The following XRN2 variants were observed in gnomAD, a reference collection of about 807,000 sequenced individuals.
The protein encoded by XRN2 is DHM1-like protein.
In XRN2, 44 loss-of-function variants were observed where a neutral mutation model predicts 138.5. The observed-to-expected ratio is 0.32, with a 90% CI of 0.25 to 0.41. The LOEUF (loss-of-function observed/expected upper bound fraction) is 0.41, where lower values mean the gene tolerates loss of function less well. XRN2 is among the 10% of genes least tolerant of loss of function. The pLI, the probability that XRN2 is intolerant of heterozygous loss-of-function variation, is 1.00. For missense variants in XRN2, 937 were observed against 1,169.3 expected, an observed-to-expected ratio of 0.80 and a Z score of 2.90; for synonymous variants, 354 against 369.4, an observed-to-expected ratio of 0.96 and a Z score of 0.48.
chr20:21,351,818 C>A (rs942522889), intron 20 of XRN2, among the ~76,000 whole-genome samples: 2 of 151,978 alleles, frequency 1.3e-5, no homozygotes, highest in African/African-American at 4.8e-5. Flanking sequence ...TCAAATTTTC[C>A]CGGCACCACT....
chr20:21,321,732 C>G (rs1275520636), intron 1 of XRN2, among the ~76,000 whole-genome samples: 1 of 152,114 alleles, frequency 6.6e-6, no homozygotes, highest in Non-Finnish European at 1.5e-5. Context: ...GATTTGCTTG[C>G]TGTTTGCCCT....
rs992795874 is a variant in XRN2, at chr20:21,356,636, T to C, written c.2169T>C (p.Ser723=). The change falls in exon 23 of 30, where the codon TCT becomes TCC. Residue 723 remains serine (S), a synonymous_variant. Coordinates refer to ENST00000377191, the MANE Select transcript of XRN2 (RefSeq NM_012255.5). ...GTCATGGGATTCAAGGAAAGTTTTC[T>C]TTGGATGAAGAAGCCATTCTTCCAG... ...ELCHGIQGKF[S]LDEEAILPDQ... is the part of the protein sequence containing the mutation. The C allele has an allele frequency of 1.9e-6, 3 of 1,613,620 alleles. No individual in the cohort carries two copies. Among genetic ancestry groups the C allele is most frequent in the East Asian group, 4.5e-5 (2 of 44,868 alleles).
In XRN2 at chr20:21,308,006, G is replaced by A. The variant is rs991622521; in HGVS notation, c.75+4533G>A. Among the ~76,000 whole-genome samples the A allele has an allele frequency of 1.7e-4, 13 of 74,488 alleles. 5 individuals are homozygous for A. The highest frequency in any genetic ancestry group is 2.9e-4 in the African/African-American group (8 of 27,222). The allele number at this position is 74,488 out of a possible 152,430, so 48.9% of individuals were successfully genotyped here. On this transcript the variant is annotated intron_variant, in intron 1 of 29. Coordinates refer to ENST00000377191, the MANE Select transcript of XRN2 (RefSeq NM_012255.5). ...GGCTGGAGTGCAGTGGTGCGATCTC[G>A]GCTCACTGCAACCTCCACCTTCTGG... is the stretch of plus-strand genomic sequence containing the variant.
rs2122218927 is a variant in XRN2 at position 21,334,025 on chromosome 20, G to A, written c.1125+31G>A. ...TTCATTCTTGAATGATTTCAAAACA[G>A]AAGTATTTGCTTTTATAAGAAGATC... On this transcript the variant is annotated intron_variant, in intron 12 of 29. Transcript: ENST00000377191. The A allele has an allele frequency of 2.5e-6, 4 of 1,613,926 alleles. No individual in the cohort carries two copies. The East Asian group carries it at 8.9e-5, about 36-fold the overall frequency.
intron 6 of XRN2, among the ~76,000 whole-genome samples, chr20:21,331,137 T>A (rs182328097): frequency 7.2e-5 from 11 of 152,242 alleles, no homozygotes; most frequent in Admixed American, 7.2e-4. Flanking sequence ...TCCCTATTAA[T>A]GAGAAATGGT....
chr20:21,378,099 C>T (rs2038846148), intron 27 of XRN2, among the ~76,000 whole-genome samples: 1 of 152,196 alleles, frequency 6.6e-6, no homozygotes, highest in African/African-American at 2.4e-5. Context: ...TTAAAAAGAG[C>T]AGAGATTCCA....
chr20:21,355,837 G>A (rs2038569610), intron 21 of XRN2, among the ~76,000 whole-genome samples: 1 of 152,044 alleles, frequency 6.6e-6, no homozygotes, highest in African/African-American at 2.4e-5. Flanking sequence ...TTTTCTTTGT[G>A]TTGGGAACAT....
intron 1 of XRN2, among the ~76,000 whole-genome samples, chr20:21,315,472 C>T (rs2037945471): frequency 6.6e-6 from 1 of 152,078 alleles, no homozygotes; most frequent in Non-Finnish European, 1.5e-5. Context: ...GGAGAAATGT[C>T]TATTTAGGTT....
At chr20:21,327,583 T>A (rs1205798018) in intron 3 of XRN2, among the ~76,000 whole-genome samples, 6 of 152,206 alleles carry the variant, frequency 3.9e-5, no homozygotes, top group Non-Finnish European at 2.9e-5. Context: ...TTAGAGCACA[T>A]TTCAGTTTAT....
intron 13 of XRN2, among the ~76,000 whole-genome samples, chr20:21,336,436 A>C (rs1166118014): frequency 1.3e-5 from 2 of 152,206 alleles, no homozygotes; most frequent in Non-Finnish European, 2.9e-5. Context: ...CACTCCAGCC[A>C]GGGCGACAGA....
Position 21,303,394 on chromosome 20 carries a change from C to G in XRN2, c.-5C>G. ...GTCGGCCGCCGCCTCCAGCCGTGTG[C>G]CGCTATGGGAGTCCCGGCGTTCTTC... On this transcript the variant is annotated 5_prime_UTR_variant, in exon 1 of 30. Transcript: ENST00000377191. The G allele has an allele frequency of 6.5e-7, 1 of 1,547,932 alleles. No individual in the cohort carries two copies. The highest frequency in any genetic ancestry group is 8.7e-7 in the Non-Finnish European group (1 of 1,145,832).
intron 24 of XRN2, among the ~76,000 whole-genome samples, chr20:21,364,080 C>T (rs756009613): frequency 3.9e-5 from 6 of 152,048 alleles, no homozygotes; most frequent in African/African-American, 4.8e-5. Context: ...TACAGGCGCC[C>T]GCCACCACGC....
At chr20:21,352,928 C>T (rs938610125) in intron 20 of XRN2, among the ~76,000 whole-genome samples, 10 of 151,836 alleles carry the variant, frequency 6.6e-5, no homozygotes, top group Non-Finnish European at 1.3e-4. Flanking sequence ...AAAACAGTAG[C>T]TGCTATTCTC....
chr20:21,364,260 C>T (rs2038669400), intron 24 of XRN2, among the ~76,000 whole-genome samples: 1 of 152,000 alleles, frequency 6.6e-6, no homozygotes. Context: ...TTAACCAGTC[C>T]ACTGTTATTC....
chr20:21,323,079 G>A (rs900336303), intron 1 of XRN2, among the ~76,000 whole-genome samples: 10 of 152,198 alleles, frequency 6.6e-5, no homozygotes, highest in African/African-American at 1.9e-4. Context: ...GCTGTGACTG[G>A]CGCTGATGAA....
At chr20:21,362,884 T>G (rs2038653176) in intron 24 of XRN2, among the ~76,000 whole-genome samples, 1 of 152,228 alleles carries the variant, frequency 6.6e-6, no homozygotes, top group South Asian at 2.1e-4. Flanking sequence ...GAATTGAGAA[T>G]GTACTCACTC....
intron 1 of XRN2, among the ~76,000 whole-genome samples, chr20:21,318,386 T>C (rs1221089404): frequency 6.6e-6 from 1 of 152,152 alleles, no homozygotes; most frequent in African/African-American, 2.4e-5. Context: ...GTTGGTTTCA[T>C]TGATTTTTCT....
In XRN2 at chr20:21,336,059, G is replaced by T. The variant is rs187707177; in HGVS notation, c.1233+1874G>T. 4.6e-5 allele frequency among the ~76,000 whole-genome samples: 7 copies of T among 152,314 alleles called. No individual in the cohort carries two copies. In the East Asian group the frequency reaches 1.2e-3, roughly 25 times the overall value. ...GAGTTCATAGCACAAAAAAGGGAGAGATCCATAAGGTCCACCCAGGTGGTC... is the reference window on the plus strand; with the variant it reads ...GAGTTCATAGCACAAAAAAGGGAGATATCCATAAGGTCCACCCAGGTGGTC... On this transcript the variant is annotated intron_variant, in intron 13 of 29. Coordinates refer to ENST00000377191, the MANE Select transcript of XRN2 (RefSeq NM_012255.5).
In XRN2 at chr20:21,365,374, C is replaced by T. The variant is rs373254621; in HGVS notation, c.2256-47C>T. On this transcript the variant is annotated intron_variant, in intron 24 of 29. Coordinates refer to ENST00000377191, the MANE Select transcript of XRN2 (RefSeq NM_012255.5). ...AAATACCTCAGTCTACATGATAAGA[C>T]AGGCTGATATAATCAGATCATTGAA... 5.1e-6 allele frequency: 8 copies of T among 1,576,162 alleles called. No homozygotes were observed. The African/African-American group carries it at 8.1e-5, about 16-fold the overall frequency.
Sources: allele counts gnomAD v4.1 joint callset (sites outside exome capture counted in the v4.1 genomes callset), GRCh38; gene constraint gnomAD v4.1.1; transcripts MANE v1.5; gene names NCBI Gene and HGNC (gene_info 2026-07-23, HGNC 2026-07-21).